Variants in GPALPP1 observed in about 807,000 individuals in gnomAD.
The protein encoded by GPALPP1 is GPALPP motifs containing 1, also known as GPALPP motifs-containing protein 1.
Under a neutral mutation model 38.9 loss-of-function variants are expected in GPALPP1, and 30 were observed. That is an observed-to-expected ratio of 0.77 (90% CI 0.58 to 1.05). The LOEUF (loss-of-function observed/expected upper bound fraction) is 1.05. GPALPP1 is among the 50% of genes least tolerant of loss of function. The pLI, the probability that GPALPP1 is intolerant of heterozygous loss-of-function variation, is 0.00. For missense variants in GPALPP1, 384 were observed against 408.8 expected (o/e 0.94, Z 0.52); for synonymous variants, 120 against 139.2 (o/e 0.86, Z 0.97).
intron 2 of GPALPP1, 49 bp downstream of exon 2, chr13:45,004,486 A>G (rs779513122): frequency 1.4e-6 from 2 of 1,415,198 alleles, no homozygotes; most frequent in African/African-American, 1.4e-5. Context: ...CAGAGCTAGT[A>G]TAAGTTGGCT....
intron 1 of GPALPP1, among the ~76,000 whole-genome samples, chr13:45,000,031 G>C (rs983839470): frequency 6.6e-6 from 1 of 152,032 alleles, no homozygotes; most frequent in African/African-American, 2.4e-5. Flanking sequence ...AAAAGGCCAG[G>C]TTTTCTTAGA....
rs1164085981 is a variant in GPALPP1, at chr13:45,006,273, G to T, written c.293G>T (p.Gly98Val). 1 of 1,601,392 alleles carries T rather than the reference G, an allele frequency of 6.2e-7. No individual in the cohort carries two copies. Among genetic ancestry groups the T allele is most frequent in the African/African-American group, 1.3e-5 (1 of 74,702 alleles). The stretch of plus-strand genomic sequence containing the variant: ...TTTTTTGGACCAGCCCTTCCTCCTG[G>T]ATTTAAAAAGCAGGATGATTCTCCT... ...DGFFGPALPP[G>V]FKKQDDSPPR... The change falls in exon 3 of 8, where the codon GGA becomes GTA. Residue 98 changes from glycine (G) to valine (V), a missense_variant. Transcript: ENST00000379151.
In GPALPP1 at chr13:45,029,953, A is replaced by T. The variant is rs968787332; in HGVS notation, c.*1950A>T. Reference sequence around the variant, plus strand: ...TAGCATTGTGAAATCTGTAAGACTCAATCTCTGATCTCAACCAAAGCTTTC... The same window carrying T: ...TAGCATTGTGAAATCTGTAAGACTCTATCTCTGATCTCAACCAAAGCTTTC... On this transcript the variant is annotated 3_prime_UTR_variant, in exon 8 of 8. Transcript: ENST00000379151. 3 of 152,206 alleles carry T rather than the reference A, an allele frequency of 2.0e-5. No individual in the cohort carries two copies. Among genetic ancestry groups the T allele is most frequent in the Admixed American group, 1.3e-4 (2 of 15,280 alleles). 9.4% of individuals were successfully genotyped at this position (152,206 alleles called of 1,614,324 possible).
intron 4 of GPALPP1, among the ~76,000 whole-genome samples, chr13:45,013,878 T>A (rs901876829): frequency 1.3e-5 from 2 of 152,212 alleles, no homozygotes; most frequent in African/African-American, 4.8e-5. Context: ...CCATTTTTTT[T>A]ATTAAAAGAA....
downstream of GPALPP1, chr13:45,033,873 C>G (rs1313496543): frequency 1.3e-5 from 2 of 152,284 alleles, no homozygotes; most frequent in African/African-American, 4.8e-5. Context: ...GGGTTATAAC[C>G]AAGATTCCAT....
At chr13:45,019,074 T>TAC (rs1401357450) in intron 6 of GPALPP1, among the ~76,000 whole-genome samples, 2 of 136,440 alleles carry the variant, frequency 1.5e-5, no homozygotes, top group East Asian at 4.1e-4. Flanking sequence ...TATAAATATA[T>TAC]ACATATAAAT....
intron 5 of GPALPP1, 44 bp downstream of exon 5, chr13:45,015,127 A>T: frequency 7.9e-7 from 1 of 1,268,468 alleles, no homozygotes; most frequent in Non-Finnish European, 1.1e-6. Context: ...AATAGATTAA[A>T]AATCTAAATT....
At chr13:45,007,719 T>C (rs1173044101) in intron 3 of GPALPP1, among the ~76,000 whole-genome samples, 2 of 152,168 alleles carry the variant, frequency 1.3e-5, no homozygotes, top group Admixed American at 1.3e-4. Flanking sequence ...GATGCCTGTC[T>C]GTGGGGTTCT....
intron 1 of GPALPP1, among the ~76,000 whole-genome samples, chr13:45,002,687 G>A (rs1247304940): frequency 6.6e-6 from 1 of 152,236 alleles, no homozygotes; most frequent in African/African-American, 2.4e-5. Context: ...CAGCTAGTAA[G>A]TGGCCAACCT....
At chr13:45,018,954 CATATAAAT>C (rs1243243778) in intron 6 of GPALPP1, among the ~76,000 whole-genome samples, 5 of 67,632 alleles carry the variant, frequency 7.4e-5, no homozygotes, top group African/African-American at 1.1e-4. Context: ...AATATATATA[CATATAAAT>C]ATATATACAT....
At position 44,989,956 on chromosome 13, in the gene GPALPP1, G is replaced by A; in HGVS notation, c.88+214G>A. The A allele has an allele frequency of 1.7e-5, 10 of 594,358 alleles. 1 individual carries two copies. Among genetic ancestry groups the A allele is most frequent in the Middle Eastern group, 4.5e-4 (1 of 2,246 alleles). 36.8% of individuals were successfully genotyped at this position (594,358 alleles called of 1,614,324 possible). On this transcript the variant is annotated intron_variant, in intron 1 of 7. Transcript: ENST00000379151. ...GAGCTTTGGCGTGGTTTGGCTTCGT[G>A]ATGATAATACATTCTCATTTAGCCT...
At chr13:44,993,141 A>G (rs1872957108) in intron 1 of GPALPP1, among the ~76,000 whole-genome samples, 1 of 152,144 alleles carries the variant, frequency 6.6e-6, no homozygotes, top group Admixed American at 6.5e-5. Context: ...TTAAGACTCA[A>G]CAGTATTCCG....
Position 45,024,298 on chromosome 13 carries a change from GTGTGTGTGTGTT to G in GPALPP1, c.805-3485_805-3474del, listed in dbSNP as rs1307780057. 2.9e-4 allele frequency among the ~76,000 whole-genome samples: 43 copies of G among 148,420 alleles called. 1 individual carries two copies. The East Asian group carries it at 3.3e-3, about 11-fold the overall frequency. ...TGTGTGTGTGTGTGTGTGTGTGTGTGTGTGTGTGTGTTTTGAGACTGAGTCTCGCTCTGCTCC... is the reference window on the plus strand; with the variant it reads ...TGTGTGTGTGTGTGTGTGTGTGTGTGTTGAGACTGAGTCTCGCTCTGCTCC... On this transcript the variant is annotated intron_variant, in intron 7 of 7. Transcript: ENST00000379151.
intron 4 of GPALPP1, among the ~76,000 whole-genome samples, chr13:45,011,937 G>A (rs1236018154): frequency 6.6e-6 from 1 of 152,140 alleles, no homozygotes; most frequent in African/African-American, 2.4e-5. Context: ...TGAACACAAA[G>A]GAGTGCTAGG....
chr13:44,992,252 C>T (rs1872857345), intron 1 of GPALPP1, among the ~76,000 whole-genome samples: 1 of 152,104 alleles, frequency 6.6e-6, no homozygotes, highest in African/African-American at 2.4e-5. Flanking sequence ...AAATTGACCA[C>T]CTTTTCATGT....
Position 45,004,403 on chromosome 13 carries a change from G to A in GPALPP1, c.187G>A (p.Glu63Lys), listed in dbSNP as rs374387240. The A allele has an allele frequency of 7.5e-6, 12 of 1,610,012 alleles. No individual in the cohort carries two copies. The highest frequency in any genetic ancestry group is 1.0e-5 in the Non-Finnish European group (12 of 1,176,400). ...SSSLYEEGNQ[E>K]SEEDDSGPTA... ...TTCTTTGTACGAAGAAGGAAATCAA[G>A]AATCTGAAGAAGATGACAGTGGTCC... Residue 63 changes from glutamate (E) to lysine (K), a missense_variant, in exon 2 of 8, where the codon GAA (glutamate) becomes AAA (lysine). Coordinates refer to ENST00000379151, the MANE Select transcript of GPALPP1 (RefSeq NM_018559.5).
At chr13:45,025,071 C>T (rs1473089362) in intron 7 of GPALPP1, among the ~76,000 whole-genome samples, 1 of 152,154 alleles carries the variant, frequency 6.6e-6, no homozygotes, top group African/African-American at 2.4e-5. Context: ...AAACTTCAGA[C>T]TTCACCACTG....
At chr13:45,003,956 G>A (rs1389416291) in intron 1 of GPALPP1, among the ~76,000 whole-genome samples, 1 of 147,800 alleles carries the variant, frequency 6.8e-6, no homozygotes, top group Non-Finnish European at 1.5e-5. Flanking sequence ...TTGTTTGTTT[G>A]TTTGTTTTTT....
intron 7 of GPALPP1, among the ~76,000 whole-genome samples, chr13:45,021,349 T>C (rs1875415617): frequency 6.6e-6 from 1 of 152,156 alleles, no homozygotes. Context: ...TTTGGGAAAT[T>C]GACCAAAAAC....
Sources: allele counts gnomAD v4.1 joint callset (sites outside exome capture counted in the v4.1 genomes callset), GRCh38; gene constraint gnomAD v4.1.1; transcripts MANE v1.5; gene names NCBI Gene and HGNC (gene_info 2026-07-23, HGNC 2026-07-21).